NRG1: variants seen among roughly 807,000 people sequenced by gnomAD.
The protein encoded by NRG1 is pro-neuregulin-1, membrane-bound isoform.
Under a neutral mutation model 63.8 loss-of-function variants are expected in NRG1, and 18 were observed. The ratio of observed to expected loss-of-function variants is 0.28; its 90% CI spans 0.19 to 0.42. NRG1 has a LOEUF of 0.42. Ranked by LOEUF, NRG1 falls within the 10% of genes least tolerant of loss-of-function variation. The probability of loss-of-function intolerance (pLI) is 1.00; values close to 1 mark genes in which losing one functional copy is unlikely to be tolerated. For missense variants in NRG1, 762 were observed against 814.7 expected (o/e 0.94, Z 0.79); for synonymous variants, 302 against 301.3 (o/e 1.00, Z -0.02).
At chr8:31,778,337 CCT>C (rs1332686598) in intron 1 of NRG1, among the ~76,000 whole-genome samples, 1 of 152,174 alleles carries the variant, frequency 6.6e-6, no homozygotes, top group Non-Finnish European at 1.5e-5. Context: ...AGCCAGCCAG[CCT>C]CTCTCTGGTC....
chr8:31,826,097 G>A (rs76855043), intron 1 of NRG1, among the ~76,000 whole-genome samples: 16 of 152,100 alleles, frequency 1.1e-4, no homozygotes, highest in Admixed American at 3.9e-4. Flanking sequence ...AGTCATGCAC[G>A]TTGCCAGCTG....
At chr8:32,713,196 T>C (rs1464356953) in intron 5 of NRG1, among the ~76,000 whole-genome samples, 2 of 152,192 alleles carry the variant, frequency 1.3e-5, no homozygotes, top group Admixed American at 6.5e-5. Context: ...GCCATATTGC[T>C]GCTATGATAG....
At chr8:32,453,651 G>T (rs534008851) in intron 1 of NRG1, among the ~76,000 whole-genome samples, 3 of 152,296 alleles carry the variant, frequency 2.0e-5, no homozygotes, top group Non-Finnish European at 1.5e-5. Context: ...GCAGTAAAAT[G>T]TTTGGTTAAA....
intron 5 of NRG1, among the ~76,000 whole-genome samples, chr8:32,705,167 G>A (rs1589309177): frequency 7.0e-6 from 1 of 142,928 alleles, no homozygotes; most frequent in Non-Finnish European, 1.5e-5. Context: ...GAGTCTCGCT[G>A]TGTCGCCCAG....
intron 1 of NRG1, among the ~76,000 whole-genome samples, chr8:32,185,513 G>A (rs1841883779): frequency 6.6e-6 from 1 of 152,164 alleles, no homozygotes; most frequent in African/African-American, 2.4e-5. Context: ...ATTGTTCATA[G>A]GTGGTCTCTC....
At chr8:32,089,992 T>C in intron 1 of NRG1, among the ~76,000 whole-genome samples, 1 of 152,184 alleles carries the variant, frequency 6.6e-6, no homozygotes, top group East Asian at 1.9e-4. Flanking sequence ...TATTATTAAT[T>C]TTTTAGTGGC....
chr8:31,677,255 A>G (rs1186546023), intron 1 of NRG1, among the ~76,000 whole-genome samples: 3 of 152,160 alleles, frequency 2.0e-5, no homozygotes, highest in African/African-American at 7.2e-5. Flanking sequence ...AATGTGTCTT[A>G]AGACATGTTT....
chr8:32,763,473 A>G (rs984370487), intron 11 of NRG1: 12 of 1,240,360 alleles, frequency 9.7e-6, no homozygotes, highest in Non-Finnish European at 3.4e-6. Flanking sequence ...ATATGCCATT[A>G]TTTATAATTG....
At chr8:32,437,960 G>A (rs7845111) in intron 1 of NRG1, among the ~76,000 whole-genome samples, 144,475 of 152,258 alleles carry the variant, frequency 0.95, 69,019 homozygotes, top group East Asian at 1. Context: ...TTCTTTAAAA[G>A]TAATTTTTTA....
At chr8:32,593,408 T>C (rs1842835399) in intron 1 of NRG1, among the ~76,000 whole-genome samples, 1 of 151,970 alleles carries the variant, frequency 6.6e-6, no homozygotes, top group African/African-American at 2.4e-5. Flanking sequence ...AATCCCAACA[T>C]TCTGGGAGGC....
chr8:31,689,972 A>T (rs1371148001), intron 1 of NRG1, among the ~76,000 whole-genome samples: 2 of 152,174 alleles, frequency 1.3e-5, no homozygotes, highest in Non-Finnish European at 2.9e-5. Flanking sequence ...TCCAAATCTC[A>T]TCTTGAATTG....
At chr8:31,933,571 T>C (rs918850433) in intron 1 of NRG1, among the ~76,000 whole-genome samples, 11 of 152,260 alleles carry the variant, frequency 7.2e-5, no homozygotes, top group African/African-American at 2.2e-4. Flanking sequence ...CGTGAGCCAC[T>C]GCACCCAGCC....
At chr8:31,807,946 CGCGTGTGTGTGT>C in intron 1 of NRG1, among the ~76,000 whole-genome samples, 1 of 69,470 alleles carries the variant, frequency 1.4e-5, no homozygotes, top group South Asian at 8.7e-4. Context: ...CAAGAGTATT[CGCGTGTGTGTGT>C]GTGTGTGTGT....
At chr8:31,963,581 G>A (rs772400056) in intron 1 of NRG1, among the ~76,000 whole-genome samples, 4 of 152,208 alleles carry the variant, frequency 2.6e-5, no homozygotes, top group Non-Finnish European at 4.4e-5. Context: ...TTCCACATAC[G>A]TGGTGGCTTT....
chr8:32,183,772 A>C (rs1445240105), intron 1 of NRG1, among the ~76,000 whole-genome samples: 4 of 152,182 alleles, frequency 2.6e-5, no homozygotes, highest in Non-Finnish European at 5.9e-5. Context: ...GAGATAAGAA[A>C]ACACTCCTCC....
At chr8:32,049,374 T>C (rs746504704) in intron 1 of NRG1, among the ~76,000 whole-genome samples, 2 of 152,146 alleles carry the variant, frequency 1.3e-5, no homozygotes, top group Non-Finnish European at 2.9e-5. Context: ...TTCTGCCCTT[T>C]CAGTGAGAAT....
chr8:32,191,088 A>AT (rs113888865), intron 1 of NRG1, among the ~76,000 whole-genome samples: 2,531 of 146,068 alleles, frequency 0.017, 55 homozygotes, highest in African/African-American at 0.048. Context: ...CAGTTATTAG[A>AT]TTTTTTTTTT....
chr8:32,474,894 AT>A (rs1824313715), intron 1 of NRG1, among the ~76,000 whole-genome samples: 1 of 152,046 alleles, frequency 6.6e-6, no homozygotes, highest in Admixed American at 6.6e-5. Context: ...GTATGGCCTC[AT>A]TTGTCGATTT....
chr8:32,402,810 G>C (rs969884423), intron 1 of NRG1, among the ~76,000 whole-genome samples: 17 of 152,068 alleles, frequency 1.1e-4, no homozygotes, highest in Non-Finnish European at 2.9e-5. Context: ...CTGTGAAGAA[G>C]AAAAAAGATA....
Sources: allele counts gnomAD v4.1 joint callset (sites outside exome capture counted in the v4.1 genomes callset), GRCh38; gene constraint gnomAD v4.1.1; transcripts MANE v1.5; gene names NCBI Gene and HGNC (gene_info 2026-07-23, HGNC 2026-07-21).